The following AKAP13 variants were observed in gnomAD, a reference collection of about 807,000 sequenced individuals.
AKAP13 encodes the protein A-kinase anchor protein 13.
In AKAP13, 80 loss-of-function variants were observed where a neutral mutation model predicts 264.5. The ratio of observed to expected loss-of-function variants is 0.30; its 90% CI spans 0.25 to 0.36. The LOEUF is 0.36. Ranked by LOEUF, AKAP13 falls within the 10% of genes least tolerant of loss-of-function variation. The pLI is 1.00. For missense variants in AKAP13, 3,712 were observed against 3,435.2 expected (o/e 1.08, Z -2.01); for synonymous variants, 1,380 against 1,250.2 (o/e 1.10, Z -2.19).
intron 5 of AKAP13, among the ~76,000 whole-genome samples, chr15:85,547,521 CCAGATAGTAATAA>C (rs1230833892): frequency 1.3e-5 from 2 of 151,498 alleles, no homozygotes; most frequent in Non-Finnish European, 2.9e-5. Flanking sequence ...TTAAATCCTA[CCAGATAGTAATAA>C]CTACTCAGGA....
At position 85,708,719 on chromosome 15, in the gene AKAP13, T is replaced by C. The variant is rs2086457698; in HGVS notation, c.5532+633T>C. Among the ~76,000 whole-genome samples, 1 of 152,002 alleles carries C rather than the reference T, an allele frequency of 6.6e-6. No individual in the cohort carries two copies. Among genetic ancestry groups the C allele is most frequent in the Non-Finnish European group, 1.5e-5 (1 of 67,946 alleles). On this transcript the variant is annotated intron_variant, in intron 18 of 36. Coordinates refer to ENST00000394518, the MANE Select transcript of AKAP13 (RefSeq NM_007200.5). The surrounding 1 kb of genome is among the most constrained non-coding windows in gnomAD (Gnocchi z 4.3). ...GTAGCCTGTGAGGTTTTCAATGTTC[T>C]AGTCGCCTGTAAGTGTCTCTTCATT...
chr15:85,734,595 T>C (rs2088301881), intron 30 of AKAP13, among the ~76,000 whole-genome samples: 1 of 152,248 alleles, frequency 6.6e-6, no homozygotes, highest in African/African-American at 2.4e-5. Context: ...CTCTAGCCCC[T>C]TGAACTCACT....
At chr15:85,559,626 C>G (rs10162624) in intron 5 of AKAP13, among the ~76,000 whole-genome samples, 1 of 152,070 alleles carries the variant, frequency 6.6e-6, no homozygotes, top group Non-Finnish European at 1.5e-5. Flanking sequence ...ACATTAGATT[C>G]ACATAAGGAG....
chr15:85,463,846 G>T (rs938975048), intron 1 of AKAP13, among the ~76,000 whole-genome samples: 3 of 151,770 alleles, frequency 2.0e-5, no homozygotes, highest in African/African-American at 2.4e-5. Context: ...GCTGGTGGCA[G>T]TGCTAGGAGT....
chr15:85,601,776 G>T (rs545836207), intron 8 of AKAP13, among the ~76,000 whole-genome samples: 1 of 151,910 alleles, frequency 6.6e-6, no homozygotes, highest in South Asian at 2.1e-4. Context: ...GTTATATCTA[G>T]AAATGTTTAC....
chr15:85,728,848 A>C (rs2087776220), intron 29 of AKAP13, among the ~76,000 whole-genome samples: 1 of 151,664 alleles, frequency 6.6e-6, no homozygotes, highest in African/African-American at 2.4e-5. Flanking sequence ...GTAATTAAAA[A>C]AAAAAATTTT....
In AKAP13 at chr15:85,718,793, G is replaced by C; in HGVS notation, c.6002-283G>C. 1 of 361,764 alleles carries C rather than the reference G, an allele frequency of 2.8e-6. No individual in the cohort carries two copies. Among genetic ancestry groups the C allele is most frequent in the Non-Finnish European group, 5.2e-6 (1 of 193,414 alleles). 22.4% of individuals were successfully genotyped at this position (361,764 alleles called of 1,614,324 possible). A position where few individuals can be genotyped will look rare whatever the true frequency, so the allele number is the denominator to read the frequency against. ...CATGTACCTGCAGCCCCAGCTGCTC[G>C]AGAGGCTAAAGCAGAAAGATCGCTT... On this transcript the variant is annotated intron_variant, in intron 22 of 36. Coordinates refer to ENST00000394518, the MANE Select transcript of AKAP13 (RefSeq NM_007200.5). The surrounding 1 kb of genome is among the most constrained non-coding windows in gnomAD (Gnocchi z 4.9).
intron 2 of AKAP13, among the ~76,000 whole-genome samples, chr15:85,517,000 A>G (rs1317612457): frequency 1.3e-5 from 2 of 152,196 alleles, no homozygotes; most frequent in Non-Finnish European, 2.9e-5. Context: ...TTATAAGCCT[A>G]TATCATGTAA....
At position 85,409,470 on chromosome 15, in the gene AKAP13, A is replaced by C. The variant is rs1012223431; in HGVS notation, c.-12+28672A>C. Among the ~76,000 whole-genome samples the C allele has an allele frequency of 1.7e-4, 25 of 150,708 alleles. 1 individual carries two copies. Among genetic ancestry groups the C allele is most frequent in the African/African-American group, 6.2e-4 (25 of 40,622 alleles). On this transcript the variant is annotated intron_variant, in intron 1 of 36. Transcript: ENST00000394518. ...TGGGATTACAGGTATGAGCCACCCTATCAGGTCCATTACCCTTTTTTTAAA... is the reference window on the plus strand; with the variant it reads ...TGGGATTACAGGTATGAGCCACCCTCTCAGGTCCATTACCCTTTTTTTAAA...
intron 3 of AKAP13, among the ~76,000 whole-genome samples, chr15:85,527,245 G>A (rs1473844199): frequency 2.6e-5 from 4 of 152,150 alleles, no homozygotes; most frequent in Admixed American, 2.6e-4. Flanking sequence ...TTACAAGCGT[G>A]AGCCACCGCA....
At position 85,686,317 on chromosome 15, in the gene AKAP13, T is replaced by G. The variant is rs2084926456; in HGVS notation, c.5289+1444T>G. On this transcript the variant is annotated intron_variant, in intron 16 of 36. Coordinates refer to ENST00000394518, the MANE Select transcript of AKAP13 (RefSeq NM_007200.5). Reference sequence around the variant, plus strand: ...AATATTGTCATAAAAGGGCATTGCCTCCTCCCTCACAAAACAAGGTGCACT... The same window carrying G: ...AATATTGTCATAAAAGGGCATTGCCGCCTCCCTCACAAAACAAGGTGCACT... 3.3e-5 allele frequency among the ~76,000 whole-genome samples: 5 copies of G among 152,144 alleles called. No individual in the cohort carries two copies. In the South Asian group the frequency reaches 1.0e-3, roughly 32 times the overall value.
intron 8 of AKAP13, among the ~76,000 whole-genome samples, chr15:85,623,048 G>T (rs1248909059): frequency 6.6e-6 from 1 of 152,070 alleles, no homozygotes; most frequent in East Asian, 1.9e-4. Flanking sequence ...AAACCATTTG[G>T]TAGTGTTCTC....
intron 8 of AKAP13, among the ~76,000 whole-genome samples, chr15:85,601,649 T>TGTGTGTGTG (rs1567149362): frequency 2.3e-4 from 34 of 150,886 alleles, no homozygotes; most frequent in South Asian, 6.3e-4. Flanking sequence ...TGTGTGTGTG[T>TGTGTGTGTG]TTTTCTTCCA....
intron 12 of AKAP13, among the ~76,000 whole-genome samples, chr15:85,661,072 T>C (rs1464152432): frequency 6.6e-6 from 1 of 152,242 alleles, no homozygotes; most frequent in African/African-American, 2.4e-5. Context: ...CAAGCTCTGC[T>C]TTTATCTCTT....
intron 30 of AKAP13, among the ~76,000 whole-genome samples, chr15:85,731,615 C>G (rs1432540119): frequency 6.6e-6 from 1 of 152,006 alleles, no homozygotes; most frequent in East Asian, 1.9e-4. Context: ...GTGTTGTGTT[C>G]TTTCATTGAG....
chr15:85,728,323 G>T (rs892812361), intron 29 of AKAP13, among the ~76,000 whole-genome samples: 9 of 152,330 alleles, frequency 5.9e-5, no homozygotes, highest in East Asian at 1.9e-4. Flanking sequence ...CCATACAGAT[G>T]ATAGCATTCT....
intron 1 of AKAP13, among the ~76,000 whole-genome samples, chr15:85,399,891 AT>A (rs1178651861): frequency 6.6e-6 from 1 of 152,210 alleles, no homozygotes; most frequent in African/African-American, 2.4e-5. Context: ...CCTGTGAAAG[AT>A]GATCTGTGGC....
intron 1 of AKAP13, among the ~76,000 whole-genome samples, chr15:85,395,849 G>A (rs937925326): frequency 4.0e-5 from 6 of 151,858 alleles, no homozygotes; most frequent in African/African-American, 1.5e-4. Context: ...GAATAGATGG[G>A]GTAATGTAAT....
intron 16 of AKAP13, among the ~76,000 whole-genome samples, chr15:85,689,659 G>A (rs916520969): frequency 6.6e-6 from 1 of 152,206 alleles, no homozygotes; most frequent in Non-Finnish European, 1.5e-5. Flanking sequence ...TACAAAATGA[G>A]GAGTCTATTT....
Sources: gnomAD v4.1 joint callset for allele counts (sites outside exome capture counted in the v4.1 genomes callset) on GRCh38, gnomAD v4.1.1 for gene constraint, Gnocchi (gnomAD v3.1) non-coding constraint, MANE v1.5 for transcripts, NCBI Gene and HGNC (gene_info 2026-07-23, HGNC 2026-07-21) for gene names.